Variants in BCL2L11 observed in about 807,000 individuals in gnomAD.
BCL2L11 encodes the protein bcl-2-like protein 11.
A neutral mutation model predicts 20.6 loss-of-function variants in BCL2L11; 15 were observed. That is an observed-to-expected ratio of 0.73 (90% CI 0.49 to 1.12). BCL2L11 has a LOEUF of 1.12. Ranked by LOEUF, BCL2L11 falls within the 50% of genes most tolerant of loss-of-function variation. The pLI is 0.00. For missense variants in BCL2L11, 292 were observed against 260.9 expected, an observed-to-expected ratio of 1.12 and a Z score of -0.82; for synonymous variants, 108 against 92.8, an observed-to-expected ratio of 1.16 and a Z score of -0.94.
intron 3 of BCL2L11, chr2:111,162,933 CAG>C (rs1226615737): frequency 2.6e-5 from 4 of 152,158 alleles, no homozygotes; most frequent in South Asian, 2.1e-4. Context: ...GTGTGTAAAA[CAG>C]ATAAAAATCA....
At chr2:111,141,510 G>A (rs1156976787) in intron 2 of BCL2L11, among the ~76,000 whole-genome samples, 2 of 119,438 alleles carry the variant, frequency 1.7e-5, no homozygotes, top group African/African-American at 6.6e-5. Flanking sequence ...TCTGGGGACT[G>A]TTGTGGGGTG....
At position 111,136,736 on chromosome 2, in the gene BCL2L11, A is replaced by G. The variant is rs1359004355; in HGVS notation, c.394+12597A>G. 2.6e-5 allele frequency among the ~76,000 whole-genome samples: 4 copies of G among 152,238 alleles called. No homozygotes were observed. In the East Asian group the frequency reaches 7.7e-4, roughly 29 times the overall value. The stretch of plus-strand genomic sequence containing the variant: ...TTGTGAGAGCACTAATCCCATTCCA[A>G]TGGCCCCACCTCCTAACACCCATCA... On this transcript the variant is annotated intron_variant, in intron 2 of 3. Transcript: ENST00000393256.
chr2:111,130,456 T>A (rs2073719775), intron 2 of BCL2L11, among the ~76,000 whole-genome samples: 1 of 152,232 alleles, frequency 6.6e-6, no homozygotes, highest in Admixed American at 6.5e-5. Context: ...ACAATTGATT[T>A]TTGTGTGTTG....
chr2:111,161,794 A>C (rs2078584016), intron 3 of BCL2L11, among the ~76,000 whole-genome samples: 1 of 152,102 alleles, frequency 6.6e-6, no homozygotes, highest in Non-Finnish European at 1.5e-5. Flanking sequence ...GGCTTTCTCT[A>C]ATTGCTTCAG....
At chr2:111,122,619 G>T in intron 1 of BCL2L11, 1 of 984,322 alleles carries the variant, frequency 1.0e-6, no homozygotes, top group Non-Finnish European at 1.2e-6. Context: ...GGCGGCGGGC[G>T]CAGAGCGCGA....
chr2:111,141,570 C>T (rs1317310725), intron 2 of BCL2L11, among the ~76,000 whole-genome samples: 5 of 150,630 alleles, frequency 3.3e-5, no homozygotes, highest in African/African-American at 7.3e-5. Flanking sequence ...TGCTAGATGA[C>T]GAGTTAGTGG....
At chr2:111,123,419 T>C in intron 1 of BCL2L11, 1 of 985,488 alleles carries the variant, frequency 1.0e-6, no homozygotes, top group Non-Finnish European at 1.2e-6. Flanking sequence ...CGAAGAAGTC[T>C]GTCCTGGGCA....
intron 2 of BCL2L11, 144 bp downstream of exon 2, chr2:111,124,283 A>G (rs912484324): frequency 6.0e-5 from 61 of 1,010,126 alleles, no homozygotes; most frequent in Non-Finnish European, 8.1e-5. Flanking sequence ...GTGTCAAACT[A>G]TCAAACCAAC....
At chr2:111,158,659 C>T (rs1426675175) in intron 3 of BCL2L11, among the ~76,000 whole-genome samples, 1 of 152,026 alleles carries the variant, frequency 6.6e-6, no homozygotes, top group Admixed American at 6.6e-5. Context: ...AGTTAAATTC[C>T]TCTGCATCTC....
intron 2 of BCL2L11, among the ~76,000 whole-genome samples, chr2:111,134,661 C>T (rs72836351): frequency 0.039 from 5,885 of 152,134 alleles, 175 homozygotes; most frequent in Non-Finnish European, 0.062. Flanking sequence ...TTGTCATTTC[C>T]TTTCTGTTTA....
At chr2:111,158,827 G>A (rs1446728725) in intron 3 of BCL2L11, among the ~76,000 whole-genome samples, 3 of 152,108 alleles carry the variant, frequency 2.0e-5, no homozygotes, top group Non-Finnish European at 4.4e-5. Flanking sequence ...TCTCACCCCT[G>A]GTTCCCAGGA....
chr2:111,146,037 A>T, intron 2 of BCL2L11: 2 of 984,468 alleles, frequency 2.0e-6, no homozygotes, highest in Non-Finnish European at 2.4e-6. Context: ...TGCAGATTAC[A>T]GCTTTGAAGT....
intron 2 of BCL2L11, among the ~76,000 whole-genome samples, chr2:111,132,452 T>C (rs956167768): frequency 6.6e-6 from 1 of 152,198 alleles, no homozygotes; most frequent in Non-Finnish European, 1.5e-5. Flanking sequence ...TTAACAGGTA[T>C]TGTAGTTTTC....
At chr2:111,122,402 C>G (rs1026648337) in intron 1 of BCL2L11, among the ~76,000 whole-genome samples, 72 of 152,152 alleles carry the variant, frequency 4.7e-4, no homozygotes, top group Non-Finnish European at 8.7e-4. Context: ...CTCAAATCCT[C>G]CGACGAAGCG....
At chr2:111,151,913 G>A in intron 3 of BCL2L11, 1 of 1,524,584 alleles carries the variant, frequency 6.6e-7, no homozygotes. Flanking sequence ...TTGGAACTTT[G>A]GTTGGTTTTA....
intron 3 of BCL2L11, among the ~76,000 whole-genome samples, chr2:111,160,253 C>T (rs555818725): frequency 2.6e-5 from 4 of 152,332 alleles, no homozygotes; most frequent in African/African-American, 9.6e-5. Context: ...GCCCTGGCTC[C>T]CCCACTTCCT....
chr2:111,136,956 G>T (rs1472148048), intron 2 of BCL2L11, among the ~76,000 whole-genome samples: 3 of 152,174 alleles, frequency 2.0e-5, no homozygotes, highest in Admixed American at 6.5e-5. Context: ...ACCTTTTTCA[G>T]ATGATAACCG....
intron 3 of BCL2L11, among the ~76,000 whole-genome samples, chr2:111,162,459 A>G (rs2078679026): frequency 6.6e-6 from 1 of 152,180 alleles, no homozygotes; most frequent in African/African-American, 2.4e-5. Flanking sequence ...TGAAAGTGGA[A>G]CTCTAAAAAC....
chr2:111,148,014 T>C (rs144435266), intron 2 of BCL2L11, among the ~76,000 whole-genome samples: 3 of 152,350 alleles, frequency 2.0e-5, no homozygotes, highest in African/African-American at 7.2e-5. Context: ...ATATCATTGA[T>C]GTATTAAGTA....
Sources: allele counts gnomAD v4.1 joint callset (sites outside exome capture counted in the v4.1 genomes callset), GRCh38; gene constraint gnomAD v4.1.1; transcripts MANE v1.5; gene names NCBI Gene and HGNC (gene_info 2026-07-23, HGNC 2026-07-21).